Variants in SLC13A3 observed in about 807,000 individuals in gnomAD.
The protein encoded by SLC13A3 is solute carrier family 13 member 3, also known as Na(+)/dicarboxylate cotransporter 3.
SLC13A3 carries 40 observed loss-of-function variants against 59.0 expected under a neutral mutation model. The observed-to-expected ratio is 0.68, with a 90% CI of 0.53 to 0.88. SLC13A3 has a LOEUF of 0.88. Ranked by LOEUF, SLC13A3 falls within the 40% of genes least tolerant of loss-of-function variation. The probability of loss-of-function intolerance (pLI) is 0.00; values close to 1 mark genes in which losing one functional copy is unlikely to be tolerated. For synonymous variants in SLC13A3, 317 were observed against 330.3 expected (o/e 0.96, Z 0.44); for missense variants, 699 against 783.2 (o/e 0.89, Z 1.28).
chr20:46,584,679 T>C (rs143354208), intron 8 of SLC13A3, among the ~76,000 whole-genome samples: 215 of 152,324 alleles, frequency 1.4e-3, no homozygotes, highest in African/African-American at 5.0e-3. Context: ...CATATGCCCT[T>C]AGTGAAAGAA....
At chr20:46,570,936 C>G (rs375708501) in intron 10 of SLC13A3, among the ~76,000 whole-genome samples, 8 of 152,214 alleles carry the variant, frequency 5.3e-5, no homozygotes, top group Middle Eastern at 3.4e-3. Flanking sequence ...AAAACATACC[C>G]GGGTGTGGGT....
intron 1 of SLC13A3, among the ~76,000 whole-genome samples, chr20:46,637,348 A>T (rs2062805877): frequency 6.6e-6 from 1 of 152,232 alleles, no homozygotes; most frequent in African/African-American, 2.4e-5. Flanking sequence ...GCCAAGAATA[A>T]GAATGACAAG....
In SLC13A3 at chr20:46,589,255, C is replaced by T; in HGVS notation, c.921G>A (p.Arg307=). 2 of 1,614,008 alleles carry T rather than the reference C, an allele frequency of 1.2e-6. No homozygotes were observed. Among genetic ancestry groups the T allele is most frequent in the Non-Finnish European group, 8.5e-7 (1 of 1,179,908 alleles). ...ISFLYGGLSF[R]GWRKNKSEIR... The stretch of plus-strand genomic sequence containing the variant: ...TCTCAGATTTATTCTTCCTCCAGCC[C>T]CTGAAACAGAAAGTGGGAGATTAGG... The change falls in exon 7 of 13, where the codon AGG becomes AGA. Residue 307 remains arginine, a splice_region_variant and synonymous_variant. Transcript: ENST00000279027.
chr20:46,604,823 C>T (rs966438255), intron 3 of SLC13A3, among the ~76,000 whole-genome samples: 4 of 152,218 alleles, frequency 2.6e-5, no homozygotes, highest in Non-Finnish European at 4.4e-5. Flanking sequence ...AAGCGAGGGA[C>T]TATTAATAGC....
intron 9 of SLC13A3, among the ~76,000 whole-genome samples, chr20:46,579,655 C>T (rs953371784): frequency 2.6e-5 from 4 of 152,186 alleles, no homozygotes; most frequent in African/African-American, 9.7e-5. Flanking sequence ...GACCCCTGGG[C>T]TAAGGGCACA....
At chr20:46,589,608 A>G (rs2062232905) in intron 6 of SLC13A3, among the ~76,000 whole-genome samples, 1 of 152,222 alleles carries the variant, frequency 6.6e-6, no homozygotes, top group African/African-American at 2.4e-5. Flanking sequence ...GCTATCTCAG[A>G]TTGGTGTGGA....
Position 46,560,838 on chromosome 20 carries a change from GA to G in SLC13A3, c.1633-641del, listed in dbSNP as rs1322397982. The stretch of plus-strand genomic sequence containing the variant: ...TGGACCATTCAGTCCACCTTGGGCT[GA>G]AAATCCTTGTTTTCCCACCTGGGTC... On this transcript the variant is annotated intron_variant, in intron 12 of 12. Transcript: ENST00000279027. Among the ~76,000 whole-genome samples, 3 of 152,156 alleles carry G rather than the reference GA, an allele frequency of 2.0e-5. No homozygotes were observed. The East Asian group carries it at 5.8e-4, about 29-fold the overall frequency.
chr20:46,659,715 C>CCA (rs1001196913), intron 1 of SLC13A3, among the ~76,000 whole-genome samples: 1 of 144,996 alleles, frequency 6.9e-6, no homozygotes, highest in African/African-American at 2.7e-5. Context: ...GACCCTATCC[C>CCA]CCCCCCCCAA....
chr20:46,653,302 T>G (rs1018316889), upstream of SLC13A3, among the ~76,000 whole-genome samples: 1 of 152,202 alleles, frequency 6.6e-6, no homozygotes, highest in African/African-American at 2.4e-5. Context: ...CGGGTTAAGC[T>G]CTCTGCATAG....
At chr20:46,575,769 G>A (rs1431289704) in intron 9 of SLC13A3, 84 bp from the exon 10 acceptor site, 4 of 728,070 alleles carry the variant, frequency 5.5e-6, no homozygotes, top group Middle Eastern at 2.5e-4. Context: ...CATCTTACCG[G>A]GGACACTCAG....
At position 46,613,651 on chromosome 20, in the gene SLC13A3, C is replaced by A. The variant is rs779144268; in HGVS notation, c.186G>T (p.Thr62=). 6.2e-7 allele frequency: 1 copy of A among 1,612,282 alleles called. No individual in the cohort carries two copies. Among genetic ancestry groups the A allele is most frequent in the South Asian group, 1.1e-5 (1 of 90,658 alleles). ...WCTEALPLSV[T]ALLPIVLFPF... The stretch of plus-strand genomic sequence containing the variant: ...GGAAGAGGACGATGGGCAGCAGCGC[C>A]GTCACTGAGAGCGGCAGGGCCTCCG... The change falls in exon 2 of 13, where the codon ACG becomes ACT. Residue 62 remains threonine (T), a synonymous_variant. Transcript: ENST00000279027.
chr20:46,683,986 T>C (rs1746958802), intron 1 of SLC13A3, among the ~76,000 whole-genome samples: 1 of 152,218 alleles, frequency 6.6e-6, no homozygotes, highest in South Asian at 2.1e-4. Context: ...GGTATCACCC[T>C]GTTAAAAACC....
intron 1 of SLC13A3, among the ~76,000 whole-genome samples, chr20:46,626,754 A>G (rs2062677532): frequency 6.6e-6 from 1 of 152,218 alleles, no homozygotes; most frequent in African/African-American, 2.4e-5. Flanking sequence ...AAAATCTCCC[A>G]GGGGACTTGG....
chr20:46,652,694 C>T (rs552657395), upstream of SLC13A3, among the ~76,000 whole-genome samples: 1 of 152,026 alleles, frequency 6.6e-6, no homozygotes, highest in Admixed American at 6.5e-5. Context: ...CACGCCCGGC[C>T]GTTATTCTTA....
chr20:46,648,261 T>C (rs912228115), intron 1 of SLC13A3, among the ~76,000 whole-genome samples: 5 of 151,738 alleles, frequency 3.3e-5, no homozygotes, highest in Non-Finnish European at 7.4e-5. Flanking sequence ...GGGAAATGGA[T>C]TAAATGTGTG....
chr20:46,646,430 G>C (rs1443552614), intron 1 of SLC13A3, among the ~76,000 whole-genome samples: 1 of 152,224 alleles, frequency 6.6e-6, no homozygotes, highest in Non-Finnish European at 1.5e-5. Context: ...GTAAATGTGA[G>C]AAAATCTGTG....
At chr20:46,586,567 A>C (rs889085370) in intron 8 of SLC13A3, among the ~76,000 whole-genome samples, 2 of 152,150 alleles carry the variant, frequency 1.3e-5, no homozygotes, top group African/African-American at 4.8e-5. Context: ...TGCATATCTA[A>C]CTGCCTATTG....
chr20:46,603,054 T>C (rs997423712), intron 3 of SLC13A3, among the ~76,000 whole-genome samples: 1 of 151,984 alleles, frequency 6.6e-6, no homozygotes, highest in Admixed American at 6.6e-5. Flanking sequence ...GGCGCATGCC[T>C]GTAATCCCAG....
intron 1 of SLC13A3, among the ~76,000 whole-genome samples, chr20:46,635,492 ACCTCCTTTTGG>A (rs2062786747): frequency 6.6e-6 from 1 of 151,614 alleles, no homozygotes; most frequent in Non-Finnish European, 1.5e-5. Flanking sequence ...CTCAAATGTC[ACCTCCTTTTGG>A]TATGTGTTCA....
Sources: gnomAD v4.1 joint callset for allele counts (sites outside exome capture counted in the v4.1 genomes callset) on GRCh38, gnomAD v4.1.1 for gene constraint, MANE v1.5 for transcripts, NCBI Gene and HGNC (gene_info 2026-07-23, HGNC 2026-07-21) for gene names.